The following BBS2 variants were observed in gnomAD, a reference collection of about 807,000 sequenced individuals.
BBS2 encodes BBSome complex member BBS2.
Under a neutral mutation model 83.0 loss-of-function variants are expected in BBS2, and 62 were observed. That is an observed-to-expected ratio of 0.75 (90% CI 0.61 to 0.92). The LOEUF (loss-of-function observed/expected upper bound fraction) is 0.92, where lower values mean the gene tolerates loss of function less well. Among genes scored for constraint, BBS2 ranks in the 40% least tolerant of loss-of-function variants. The pLI is 0.00. For missense variants in BBS2, 784 were observed against 901.0 expected (o/e 0.87, Z 1.66); for synonymous variants, 303 against 326.1 (o/e 0.93, Z 0.76).
chr16:56,491,746 A>C (rs75739837), intron 15 of BBS2, among the ~76,000 whole-genome samples: 11 of 148,122 alleles, frequency 7.4e-5, no homozygotes, highest in African/African-American at 2.5e-4. Flanking sequence ...AAAAAAAAAA[A>C]CACTAGTAAT....
chr16:56,471,628 C>T (rs1483043370), intron 17 of BBS2, among the ~76,000 whole-genome samples: 2 of 152,114 alleles, frequency 1.3e-5, no homozygotes, highest in African/African-American at 4.8e-5. Flanking sequence ...TCTTGAGAAC[C>T]CTGTGCAGTT....
intron 7 of BBS2, among the ~76,000 whole-genome samples, chr16:56,504,237 G>A (rs1964363089): frequency 1.3e-5 from 2 of 152,190 alleles, no homozygotes; most frequent in African/African-American, 4.8e-5. Context: ...GCACATTAAT[G>A]TAGCCCTCTA....
chr16:56,489,635 A>G (rs1366145872), intron 15 of BBS2, among the ~76,000 whole-genome samples: 2 of 151,756 alleles, frequency 1.3e-5, no homozygotes, highest in African/African-American at 4.8e-5. Flanking sequence ...CATCTCTACT[A>G]AAAATACAAA....
At position 56,501,458 on chromosome 16, in the gene BBS2, G is replaced by A. The variant is rs143607562; in HGVS notation, c.1120C>T (p.Arg374Trp). The change falls in exon 10 of 17, where the codon CGG becomes TGG. Residue 374 changes from arginine to tryptophan, a missense_variant. Transcript: ENST00000245157. ...ASPLNEADGH[R>W]GIIPANTRLH... The stretch of plus-strand genomic sequence containing the variant: ...CTGGTATTGGCTGGGATTATGCCCC[G>A]ATGCCCATCAGCCTCGTTCAGTGGA... 5.1e-5 allele frequency: 83 copies of A among 1,613,934 alleles called. No homozygotes were observed. Among genetic ancestry groups the A allele is most frequent in the East Asian group, 6.7e-5 (3 of 44,898 alleles).
downstream of BBS2, among the ~76,000 whole-genome samples, chr16:56,484,182 G>A (rs772398126): frequency 4.0e-5 from 6 of 150,706 alleles, no homozygotes; most frequent in East Asian, 2.0e-4. Flanking sequence ...AATTTTTTGT[G>A]TTTTTAGTAG....
At chr16:56,517,709 C>T (rs1964791398) in intron 1 of BBS2, among the ~76,000 whole-genome samples, 1 of 152,178 alleles carries the variant, frequency 6.6e-6, no homozygotes, top group Non-Finnish European at 1.5e-5. Flanking sequence ...ACATAGTAAG[C>T]CCTCAAATTA....
chr16:56,489,273 C>T (rs577129303), intron 15 of BBS2, among the ~76,000 whole-genome samples: 6 of 151,826 alleles, frequency 4.0e-5, no homozygotes, highest in Admixed American at 6.6e-5. Context: ...CCTGGGAGGC[C>T]GAGGTTGCAG....
intron 11 of BBS2, 135 bp downstream of exon 11, chr16:56,500,719 G>C: frequency 1.2e-6 from 1 of 843,952 alleles, no homozygotes; most frequent in South Asian, 1.7e-5. Flanking sequence ...AAAAGGTCAT[G>C]AGAAACTTTG....
intron 12 of BBS2, chr16:56,499,496 C>A: frequency 2.6e-6 from 1 of 385,322 alleles, no homozygotes; most frequent in Non-Finnish European, 4.9e-6. Flanking sequence ...AAATACTACA[C>A]CAGGACAACC....
intron 7 of BBS2, among the ~76,000 whole-genome samples, chr16:56,504,654 T>C (rs529516584): frequency 1.3e-5 from 2 of 152,348 alleles, no homozygotes; most frequent in South Asian, 4.1e-4. Context: ...AGAAATCCCT[T>C]AAAATTTCAA....
downstream of BBS2, among the ~76,000 whole-genome samples, chr16:56,482,608 T>C (rs1481591930): frequency 2.6e-5 from 4 of 152,184 alleles, no homozygotes; most frequent in East Asian, 7.7e-4. Flanking sequence ...ATTTCAGATA[T>C]AGGAGGGGCC....
chr16:56,500,179 A>G (rs2144140578), intron 11 of BBS2: 2 of 402,844 alleles, frequency 5.0e-6, no homozygotes, highest in South Asian at 2.2e-5. Context: ...ATCTTCCACA[A>G]ATAGAGCAGT....
At chr16:56,481,041 A>C (rs1209243699), downstream of BBS2, among the ~76,000 whole-genome samples, 1 of 152,170 alleles carries the variant, frequency 6.6e-6, no homozygotes, top group Admixed American at 6.6e-5. Flanking sequence ...GTCTTACTGT[A>C]CTTGAGTTTC....
In BBS2 at chr16:56,495,360, C is replaced by T. The variant is rs558783880; in HGVS notation, c.1910+1607G>A. On this transcript the variant is annotated intron_variant, in intron 15 of 16. Coordinates refer to ENST00000245157, the MANE Select transcript of BBS2 (RefSeq NM_031885.5). ...TTGCATGCTTCCTCATGGAAGTAAA[C>T]AACACTACTCACGAAGTATTCTTGC... Among the ~76,000 whole-genome samples the T allele has an allele frequency of 1.4e-4, 22 of 152,240 alleles. No homozygotes were observed. The South Asian group carries it at 4.6e-3, about 32-fold the overall frequency.
intron 11 of BBS2, 65 bp from the exon 12 acceptor site, chr16:56,499,972 C>G: frequency 6.2e-7 from 1 of 1,600,792 alleles, no homozygotes; most frequent in Non-Finnish European, 8.6e-7. Context: ...AAATGCAAGG[C>G]CCAGAAAATA....
Position 56,474,885 on chromosome 16 carries a change from C to T in BBS2, c.*1-4190G>A, listed in dbSNP as rs138502006. Reference sequence around the variant, plus strand: ...AGGCATTGGAAGACCGGTCACTACACTTTAATTCATGACCATAGCAAGGCT... The same window carrying T: ...AGGCATTGGAAGACCGGTCACTACATTTTAATTCATGACCATAGCAAGGCT... On this transcript the variant is annotated intron_variant, in intron 17 of 17. Transcript: ENST00000682047. 7.2e-4 allele frequency: 1,157 copies of T among 1,613,078 alleles called. 7 individuals are homozygous for T. The African/African-American group carries it at 0.013, about 18-fold the overall frequency.
At chr16:56,480,224 G>A (rs557519786), downstream of BBS2, among the ~76,000 whole-genome samples, 28 of 151,836 alleles carry the variant, frequency 1.8e-4, 1 homozygote, top group South Asian at 5.8e-3. Context: ...AATGTGGAAA[G>A]TTAGGGTTCC....
chr16:56,502,621 CCAAT>C (rs1196366408), intron 8 of BBS2, 48 bp downstream of exon 8: 32 of 1,613,620 alleles, frequency 2.0e-5, no homozygotes, highest in Non-Finnish European at 2.6e-5. Flanking sequence ...ATATTTTGAC[CCAAT>C]CAAATGGAAA....
At chr16:56,491,227 C>A (rs1259264514) in intron 15 of BBS2, among the ~76,000 whole-genome samples, 1 of 152,158 alleles carries the variant, frequency 6.6e-6, no homozygotes. Flanking sequence ...AATGCCAGCA[C>A]AGCAGTGTTG....
Sources: gnomAD v4.1 joint callset for allele counts (sites outside exome capture counted in the v4.1 genomes callset) on GRCh38, gnomAD v4.1.1 for gene constraint, MANE v1.5 for transcripts, NCBI Gene and HGNC (gene_info 2026-07-23, HGNC 2026-07-21) for gene names.